THSD7A: variants seen among roughly 807,000 people sequenced by gnomAD.
The protein encoded by THSD7A is thrombospondin type-1 domain-containing protein 7A.
THSD7A carries 96 observed loss-of-function variants against 231.3 expected under a neutral mutation model. That is an observed-to-expected ratio of 0.41 (90% confidence interval 0.35 to 0.49). The LOEUF (loss-of-function observed/expected upper bound fraction) is 0.49, where lower values mean the gene tolerates loss of function less well. THSD7A is among the 20% of genes least tolerant of loss of function. The pLI is 0.05. For synonymous variants in THSD7A, 940 were observed against 743.3 expected (o/e 1.26, Z -4.30); for missense variants, 2,290 against 2,070.2 (o/e 1.11, Z -2.06).
intron 1 of THSD7A, among the ~76,000 whole-genome samples, chr7:11,679,120 C>T (rs918902868): frequency 6.6e-6 from 1 of 152,132 alleles, no homozygotes; most frequent in Admixed American, 6.5e-5. Context: ...TTAACAGATG[C>T]AGAAAAGGCC....
rs144702320 is a variant in THSD7A, at chr7:11,710,120, T to C, written c.191-73159A>G. On this transcript the variant is annotated intron_variant, in intron 1 of 27. Transcript: ENST00000423059. ...TTTTTAAAAAATGAGGATTCTGTTA[T>C]ATGCATTAAAGCAGTGGTTTCAGTA... 2.0e-3 allele frequency among the ~76,000 whole-genome samples: 309 copies of C among 151,000 alleles called. 2 individuals are homozygous for C. The highest frequency in any genetic ancestry group is 6.8e-3 in the African/African-American group (283 of 41,416).
In THSD7A at chr7:11,462,136, G is replaced by C; in HGVS notation, c.2376C>G (p.Ser792=). 6.2e-7 allele frequency: 1 copy of C among 1,613,606 alleles called. No individual in the cohort carries two copies. Among genetic ancestry groups the C allele is most frequent in the Non-Finnish European group, 8.5e-7 (1 of 1,179,688 alleles). Residue 792 remains serine (S), a synonymous_variant, in exon 10 of 28, where the codon TCC becomes TCG. Coordinates refer to ENST00000423059, the MANE Select transcript of THSD7A (RefSeq NM_015204.3). The stretch of plus-strand genomic sequence containing the variant: ...GATGCCTAGACTGCTTCCTGATACT[G>C]GAGTCCCCTGCAATGAAGCAGTTTT... ...SCPSSCKEGD[S]SIRKQSRHRV...
chr7:11,475,246 C>T (rs1274803611), intron 7 of THSD7A, among the ~76,000 whole-genome samples: 1 of 151,980 alleles, frequency 6.6e-6, no homozygotes, highest in African/African-American at 2.4e-5. Context: ...ACGTTTCCTG[C>T]TATTGTAGCC....
At chr7:11,464,734 G>T (rs1245092399) in intron 9 of THSD7A, among the ~76,000 whole-genome samples, 1 of 152,084 alleles carries the variant, frequency 6.6e-6, no homozygotes, top group East Asian at 1.9e-4. Context: ...GATAGAGATT[G>T]TGACCTGATT....
intron 1 of THSD7A, among the ~76,000 whole-genome samples, chr7:11,656,200 A>T (rs984983603): frequency 6.6e-6 from 1 of 151,902 alleles, no homozygotes; most frequent in Non-Finnish European, 1.5e-5. Flanking sequence ...GTTGTGTGCA[A>T]TGTTATTAAG....
chr7:11,692,188 A>G (rs1318807717), intron 1 of THSD7A, among the ~76,000 whole-genome samples: 1 of 151,502 alleles, frequency 6.6e-6, no homozygotes, highest in Non-Finnish European at 1.5e-5. Context: ...AATATTGTCT[A>G]CAAAATTTGC....
chr7:11,452,458 T>C (rs1454138860), intron 11 of THSD7A, among the ~76,000 whole-genome samples: 1 of 152,050 alleles, frequency 6.6e-6, no homozygotes, highest in Non-Finnish European at 1.5e-5. Context: ...CCTGGCACAA[T>C]GGAAAGAAAT....
intron 1 of THSD7A, among the ~76,000 whole-genome samples, chr7:11,794,573 A>C (rs1465844522): frequency 6.6e-6 from 1 of 151,962 alleles, no homozygotes; most frequent in African/African-American, 2.4e-5. Flanking sequence ...ACTAATCCAC[A>C]GCGTGAAGCA....
chr7:11,775,065 A>G (rs544169907), intron 1 of THSD7A, among the ~76,000 whole-genome samples: 6 of 152,226 alleles, frequency 3.9e-5, no homozygotes, highest in African/African-American at 1.2e-4. Flanking sequence ...AAAACAAAAC[A>G]AACAAAAAAC....
At chr7:11,615,918 T>C (rs1340629327) in intron 2 of THSD7A, among the ~76,000 whole-genome samples, 7 of 152,210 alleles carry the variant, frequency 4.6e-5, no homozygotes, top group African/African-American at 1.7e-4. Context: ...TTATGTCTTC[T>C]ATTTTCTTCC....
chr7:11,711,668 A>T (rs527718181), intron 1 of THSD7A, among the ~76,000 whole-genome samples: 1 of 151,198 alleles, frequency 6.6e-6, no homozygotes, highest in South Asian at 2.1e-4. Context: ...TAGGGGAAAA[A>T]TTTCAACTGG....
intron 2 of THSD7A, among the ~76,000 whole-genome samples, chr7:11,629,023 T>C (rs947795222): frequency 6.6e-6 from 1 of 152,208 alleles, no homozygotes; most frequent in African/African-American, 2.4e-5. Context: ...TACTAGAATC[T>C]GAGGTAGACC....
intron 1 of THSD7A, among the ~76,000 whole-genome samples, chr7:11,723,635 C>T (rs578011036): frequency 4.0e-5 from 6 of 151,890 alleles, no homozygotes; most frequent in Admixed American, 3.3e-4. Flanking sequence ...TTACTTGGAG[C>T]TATGTCCAGT....
intron 1 of THSD7A, among the ~76,000 whole-genome samples, chr7:11,709,189 T>C (rs73049099): frequency 0.014 from 2,080 of 150,962 alleles, 20 homozygotes; most frequent in Non-Finnish European, 0.021. Flanking sequence ...GGCTTTGTTG[T>C]GAGCTCTCTG....
intron 6 of THSD7A, among the ~76,000 whole-genome samples, chr7:11,496,518 A>G (rs1787105878): frequency 6.6e-6 from 1 of 152,146 alleles, no homozygotes; most frequent in African/African-American, 2.4e-5. Context: ...TAGGGCTGAG[A>G]CATCCGTAAT....
At position 11,831,985 on chromosome 7, in the gene THSD7A, G is replaced by A. The variant is rs956501332; in HGVS notation, c.-39C>T. ...ACTCCAGGGTCCAGAGCCGTAGCAC[G>A]CTCGGCAGGGAATTTTTCTCCGCTC... On this transcript the variant is annotated 5_prime_UTR_variant, in exon 1 of 28. Transcript: ENST00000423059. This position sits in a 1 kb window ranked among gnomAD's most constrained non-coding sequence, Gnocchi z 5.0. 7.4e-5 allele frequency: 89 copies of A among 1,208,722 alleles called. No homozygotes were observed. The African/African-American group carries it at 1.2e-3, about 17-fold the overall frequency. The allele number at this position is 1,208,722 out of a possible 1,614,324, so 74.9% of individuals were successfully genotyped here.
intron 1 of THSD7A, among the ~76,000 whole-genome samples, chr7:11,657,055 C>G (rs985450463): frequency 4.6e-5 from 7 of 151,694 alleles, no homozygotes; most frequent in African/African-American, 1.7e-4. Context: ...AGAGTGAGGA[C>G]AAGCAGACAT....
At chr7:11,713,794 C>A (rs1781042862) in intron 1 of THSD7A, among the ~76,000 whole-genome samples, 1 of 151,188 alleles carries the variant, frequency 6.6e-6, no homozygotes, top group Non-Finnish European at 1.5e-5. Context: ...ACTTAAACTG[C>A]AATTCCTATC....
intron 1 of THSD7A, among the ~76,000 whole-genome samples, chr7:11,731,812 AAAG>A (rs1781745866): frequency 6.6e-6 from 1 of 151,654 alleles, no homozygotes; most frequent in Non-Finnish European, 1.5e-5. Context: ...CTTGTTGATA[AAAG>A]AAGAATTATG....
Sources: gnomAD v4.1 joint callset for allele counts (sites outside exome capture counted in the v4.1 genomes callset) on GRCh38, gnomAD v4.1.1 for gene constraint, Gnocchi (gnomAD v3.1) non-coding constraint, MANE v1.5 for transcripts, NCBI Gene and HGNC (gene_info 2026-07-23, HGNC 2026-07-21) for gene names.